Variants in MYO16 observed in about 807,000 individuals in gnomAD.
The protein encoded by MYO16 is myosin XVI.
MYO16 carries 94 observed loss-of-function variants against 205.3 expected under a neutral mutation model. The ratio of observed to expected loss-of-function variants is 0.46; its 90% confidence interval spans 0.39 to 0.54. The LOEUF (loss-of-function observed/expected upper bound fraction) is 0.54, where lower values mean the gene tolerates loss of function less well. MYO16 is among the 20% of genes least tolerant of loss of function. The pLI is 0.00. For synonymous variants in MYO16, 988 were observed against 954.0 expected (o/e 1.04, Z -0.66); for missense variants, 2,315 against 2,387.5 (o/e 0.97, Z 0.63).
chr13:108,652,873 A>G (rs1881073843), intron 1 of MYO16, among the ~76,000 whole-genome samples: 1 of 152,178 alleles, frequency 6.6e-6, no homozygotes, highest in Non-Finnish European at 1.5e-5. Flanking sequence ...TATCTCTCCA[A>G]CACCCTGCTT....
chr13:109,011,898 CAAAT>C (rs1220222031), intron 22 of MYO16, among the ~76,000 whole-genome samples: 1 of 152,016 alleles, frequency 6.6e-6, no homozygotes, highest in Admixed American at 6.6e-5. Flanking sequence ...CTTTATTAGC[CAAAT>C]AAATAACATT....
chr13:108,540,118 A>G, the MYO16 span, among the ~76,000 whole-genome samples: 4 of 152,074 alleles, frequency 2.6e-5, no homozygotes, highest in African/African-American at 9.6e-5. Context: ...TAATTACATG[A>G]CTAGCTTCTC....
chr13:108,826,936 G>A (rs1338289307), intron 9 of MYO16, among the ~76,000 whole-genome samples: 1 of 152,132 alleles, frequency 6.6e-6, no homozygotes, highest in Non-Finnish European at 1.5e-5. Flanking sequence ...GTGGTAGTGG[G>A]AATGTCAAAT....
At chr13:108,987,458 T>A (rs891266048) in intron 20 of MYO16, among the ~76,000 whole-genome samples, 2 of 152,196 alleles carry the variant, frequency 1.3e-5, no homozygotes, top group African/African-American at 4.8e-5. Context: ...AGGGTTCACC[T>A]CCACAGCGAG....
rs563288121 is a variant in MYO16 at position 109,199,515 on chromosome 13, A to G, written c.5416-7094A>G. 2.6e-5 allele frequency among the ~76,000 whole-genome samples: 4 copies of G among 152,126 alleles called. No homozygotes were observed. The East Asian group carries it at 7.8e-4, about 30-fold the overall frequency. ...TTCCAGAAAAGAAAATAAATAAGTG[A>G]CTCATTATCTGAAGTGGTGATATGG... On this transcript the variant is annotated intron_variant, in intron 34 of 34. Transcript: ENST00000457511.
At chr13:108,900,697 G>A (rs1880663741) in intron 15 of MYO16, among the ~76,000 whole-genome samples, 1 of 152,114 alleles carries the variant, frequency 6.6e-6, no homozygotes, top group Admixed American at 6.5e-5. Context: ...AGGACCCTGT[G>A]ATGGTTGCGT....
rs1879888570 is a variant in MYO16 at position 108,629,723 on chromosome 13, G to C, written c.-122G>C. ...CATGGAACAGAGCCTCCATGCAATA[G>C]TGCATCCTGAGGTAAACTGTTACCT... On this transcript the variant is annotated 5_prime_UTR_variant, in exon 1 of 35. An upstream open reading frame in the 5' UTR loses its in-frame stop. Transcript: ENST00000457511. 1 of 838,550 alleles carries C rather than the reference G, an allele frequency of 1.2e-6. No individual in the cohort carries two copies. Among genetic ancestry groups the C allele is most frequent in the African/African-American group, 1.7e-5 (1 of 59,926 alleles). The allele number at this position is 838,550 out of a possible 1,614,324, so 51.9% of individuals were successfully genotyped here.
chr13:108,874,532 G>A (rs1412695982), intron 12 of MYO16, among the ~76,000 whole-genome samples: 3 of 151,962 alleles, frequency 2.0e-5, no homozygotes, highest in African/African-American at 7.2e-5. Context: ...CTATTCTGCA[G>A]TTGAATAAGC....
At chr13:108,951,992 G>A (rs572336986) in intron 16 of MYO16, among the ~76,000 whole-genome samples, 1 of 151,802 alleles carries the variant, frequency 6.6e-6, no homozygotes, top group African/African-American at 2.4e-5. Flanking sequence ...TGTAGTCCCA[G>A]CCACTCCACT....
intron 28 of MYO16, among the ~76,000 whole-genome samples, chr13:109,112,238 A>G (rs902354203): frequency 1.3e-5 from 2 of 152,176 alleles, no homozygotes; most frequent in African/African-American, 2.4e-5. Context: ...AAATCATTGA[A>G]GTTTCTAGAA....
chr13:108,555,968 A>G, the MYO16 span, among the ~76,000 whole-genome samples: 1 of 152,204 alleles, frequency 6.6e-6, no homozygotes, highest in South Asian at 2.1e-4. Context: ...GTGTAGATAT[A>G]TCATATTTTC....
chr13:109,121,509 C>T (rs1009981533), intron 29 of MYO16, among the ~76,000 whole-genome samples: 1 of 152,230 alleles, frequency 6.6e-6, no homozygotes, highest in African/African-American at 2.4e-5. Flanking sequence ...ATTTGTAACT[C>T]ACCCCTCAGC....
chr13:108,560,156 T>C, the MYO16 span, among the ~76,000 whole-genome samples: 1 of 152,234 alleles, frequency 6.6e-6, no homozygotes, highest in African/African-American at 2.4e-5. Context: ...TTGCAATTAA[T>C]ATTTCAGGCT....
At chr13:109,195,643 T>C (rs1366903304) in intron 34 of MYO16, among the ~76,000 whole-genome samples, 1 of 152,202 alleles carries the variant, frequency 6.6e-6, no homozygotes, top group Admixed American at 6.5e-5. Flanking sequence ...GCCAAGACAT[T>C]TCCTTCTTTT....
intron 6 of MYO16, among the ~76,000 whole-genome samples, chr13:108,798,839 G>A (rs904523264): frequency 6.8e-6 from 1 of 147,582 alleles, no homozygotes; most frequent in Middle Eastern, 3.4e-3. Context: ...CCGAGTAGCT[G>A]GGACTACAGG....
At chr13:108,652,167 ATGTGTGCG>A (rs1881041735) in intron 1 of MYO16, among the ~76,000 whole-genome samples, 3 of 149,140 alleles carry the variant, frequency 2.0e-5, no homozygotes, top group South Asian at 2.2e-4. Flanking sequence ...GCGCGCGCGC[ATGTGTGCG>A]CGTGTGTGTG....
chr13:108,559,557 T>C, the MYO16 span, among the ~76,000 whole-genome samples: 1 of 138,750 alleles, frequency 7.2e-6, no homozygotes, highest in Non-Finnish European at 1.5e-5. Context: ...CACTGCAAGC[T>C]CCACCTTCTG....
At chr13:109,061,723 A>G (rs532905635) in intron 27 of MYO16, among the ~76,000 whole-genome samples, 11 of 152,312 alleles carry the variant, frequency 7.2e-5, no homozygotes, top group Admixed American at 4.6e-4. Flanking sequence ...TTTAAATATG[A>G]CAGGCATTAC....
At chr13:108,602,020 G>A (rs1388062469) in intron 1 of MYO16, among the ~76,000 whole-genome samples, 1 of 151,290 alleles carries the variant, frequency 6.6e-6, no homozygotes, top group Non-Finnish European at 1.5e-5. Flanking sequence ...TAATGGTGGG[G>A]CCCTCATGAT....
Sources: gnomAD v4.1 joint callset for allele counts (sites outside exome capture counted in the v4.1 genomes callset) on GRCh38, gnomAD v4.1.1 for gene constraint, MANE v1.5 for transcripts, NCBI Gene and HGNC (gene_info 2026-07-23, HGNC 2026-07-21) for gene names.